Variants in SLC16A7 observed in about 807,000 individuals in gnomAD.
SLC16A7 encodes solute carrier family 16 member 7.
SLC16A7 carries 33 observed loss-of-function variants against 34.9 expected under a neutral mutation model. The ratio of observed to expected loss-of-function variants is 0.94; its 90% CI spans 0.72 to 1.26. The LOEUF (loss-of-function observed/expected upper bound fraction) is 1.26. SLC16A7 is among the 50% of genes most tolerant of loss of function. The pLI is 0.00. For missense variants in SLC16A7, 573 were observed against 578.1 expected (o/e 0.99, Z 0.09); for synonymous variants, 201 against 206.6 (o/e 0.97, Z 0.23).
intron 1 of SLC16A7, among the ~76,000 whole-genome samples, chr12:59,629,071 C>T (rs761637039): frequency 2.0e-5 from 3 of 151,686 alleles, no homozygotes; most frequent in Non-Finnish European, 4.4e-5. Flanking sequence ...TAGAGATGGC[C>T]ATCTTCTTGC....
rs556924656 is a variant in SLC16A7 at position 59,624,367 on chromosome 12, G to A, written c.-130+28131G>A. On this transcript the variant is annotated intron_variant, in intron 1 of 5. Transcript: ENST00000547379. ...CAATTCTTCATGTTCTCTAATTTAT[G>A]TCTTCTTTTTGATAATCTTGCTACT... 7.3e-4 allele frequency among the ~76,000 whole-genome samples: 111 copies of A among 151,526 alleles called. 1 individual carries two copies. The highest frequency in any genetic ancestry group is 2.4e-3 in the African/African-American group (99 of 41,380).
At chr12:59,636,160 T>C (rs555501529) in intron 1 of SLC16A7, among the ~76,000 whole-genome samples, 2 of 152,094 alleles carry the variant, frequency 1.3e-5, no homozygotes, top group Non-Finnish European at 2.9e-5. Flanking sequence ...CAAAACTGTG[T>C]AGGTTCTAAA....
intron 1 of SLC16A7, among the ~76,000 whole-genome samples, chr12:59,651,790 C>T (rs117288223): frequency 0.013 from 1,999 of 152,206 alleles, 31 homozygotes; most frequent in South Asian, 0.031. Context: ...TCTAAGTTCT[C>T]CATTTATAGC....
intron 3 of SLC16A7, among the ~76,000 whole-genome samples, chr12:59,743,999 T>G (rs1878613854): frequency 6.6e-6 from 1 of 152,182 alleles, no homozygotes; most frequent in Non-Finnish European, 1.5e-5. Flanking sequence ...TAAAACTCAC[T>G]GTTGAAAGTT....
At chr12:59,734,395 G>T (rs1170870335) in intron 3 of SLC16A7, among the ~76,000 whole-genome samples, 3 of 152,250 alleles carry the variant, frequency 2.0e-5, no homozygotes, top group Non-Finnish European at 4.4e-5. Context: ...GGCACCAGGA[G>T]TGGGGAAAGG....
intron 2 of SLC16A7, among the ~76,000 whole-genome samples, chr12:59,687,719 C>T (rs1475049580): frequency 6.6e-6 from 1 of 152,100 alleles, no homozygotes; most frequent in Non-Finnish European, 1.5e-5. Context: ...AACCGTCAAA[C>T]ATTTTCTTAT....
chr12:59,610,251 T>A (rs560309862), intron 1 of SLC16A7, among the ~76,000 whole-genome samples: 2 of 152,124 alleles, frequency 1.3e-5, no homozygotes, highest in African/African-American at 4.8e-5. Context: ...AATGTCAGAA[T>A]TACACCTGGA....
intron 2 of SLC16A7, among the ~76,000 whole-genome samples, chr12:59,686,144 A>G (rs1871151490): frequency 8.3e-6 from 1 of 120,598 alleles, no homozygotes; most frequent in East Asian, 2.3e-4. Context: ...TTCTGTCGCC[A>G]TAGTTTTTAG....
rs1288974118 is a variant in SLC16A7, at chr12:59,788,075, TCTC to T, written c.*8399_*8401del. 2.6e-5 allele frequency: 4 copies of T among 151,884 alleles called. No homozygotes were observed. The highest frequency in any genetic ancestry group is 9.7e-5 in the African/African-American group (4 of 41,150). 9.4% of individuals were successfully genotyped at this position (151,884 alleles called of 1,614,324 possible). On this transcript the variant is annotated 3_prime_UTR_variant, in exon 6 of 6. Transcript: ENST00000547379. ...TTAATTATTTCCTAGAATGAATAAT[TCTC>T]CTTTTTTGATAGATTTTTGAAATTG... is the stretch of plus-strand genomic sequence containing the variant.
intron 3 of SLC16A7, among the ~76,000 whole-genome samples, chr12:59,769,557 T>A (rs1007653701): frequency 1.3e-5 from 2 of 152,128 alleles, no homozygotes; most frequent in African/African-American, 4.8e-5. Flanking sequence ...AAATGCAAAC[T>A]TTTGTATTCT....
chr12:59,684,010 G>A (rs1041942325), intron 2 of SLC16A7, among the ~76,000 whole-genome samples: 2 of 152,154 alleles, frequency 1.3e-5, no homozygotes, highest in African/African-American at 4.8e-5. Flanking sequence ...TATTCAGTCA[G>A]AATTTATTAA....
intron 2 of SLC16A7, among the ~76,000 whole-genome samples, chr12:59,702,326 G>A (rs917713448): frequency 3.3e-5 from 5 of 151,960 alleles, no homozygotes; most frequent in African/African-American, 1.2e-4. Context: ...TGACCAAGGA[G>A]AAATAAACCT....
At position 59,786,646 on chromosome 12, in the gene SLC16A7, T is replaced by A. The variant is rs1883641933; in HGVS notation, c.*6967T>A. ...TCAGAAGATATGTTTAATGAATTCA[T>A]TTCATCCTCTCAACCCTCAGTTTTG... On this transcript the variant is annotated 3_prime_UTR_variant, in exon 6 of 6. Transcript: ENST00000547379. The A allele has an allele frequency of 6.6e-6, 1 of 152,188 alleles. No homozygotes were observed. Among genetic ancestry groups the A allele is most frequent in the African/African-American group, 2.4e-5 (1 of 41,464 alleles). The allele number at this position is 152,188 out of a possible 1,614,324, so 9.4% of individuals were successfully genotyped here. A position where few individuals can be genotyped will look rare whatever the true frequency, so the allele number is the denominator to read the frequency against.
chr12:59,686,518 A>G (rs1398725857), intron 2 of SLC16A7, among the ~76,000 whole-genome samples: 5 of 152,052 alleles, frequency 3.3e-5, no homozygotes, highest in Admixed American at 3.3e-4. Context: ...TCACTTGGTC[A>G]TTTTACATTT....
intron 3 of SLC16A7, among the ~76,000 whole-genome samples, chr12:59,739,086 C>A (rs1877971261): frequency 6.6e-6 from 1 of 150,546 alleles, no homozygotes; most frequent in Non-Finnish European, 1.5e-5. Flanking sequence ...TACATGTGCA[C>A]AATGTGCAGG....
At chr12:59,719,595 A>G (rs1180160222) in intron 3 of SLC16A7, 33 of 152,278 alleles carry the variant, frequency 2.2e-4, no homozygotes, top group Admixed American at 2.2e-3. Flanking sequence ...TATTAAATAT[A>G]TATTTTATAT....
intron 3 of SLC16A7, chr12:59,768,395 G>C (rs1881894172): frequency 3.5e-6 from 1 of 285,968 alleles, no homozygotes; most frequent in African/African-American, 2.2e-5. Context: ...GGTGTGACTA[G>C]ATTGCTGCAA....
intron 1 of SLC16A7, among the ~76,000 whole-genome samples, chr12:59,629,649 A>T (rs532032246): frequency 8.8e-4 from 134 of 152,128 alleles, no homozygotes; most frequent in African/African-American, 3.2e-3. Flanking sequence ...GGATGTGCCT[A>T]ATAGGAATTC....
chr12:59,784,177 T>A lies in SLC16A7; in HGVS notation c.*4498T>A, dbSNP rs1372125153. 1.3e-5 allele frequency: 2 copies of A among 152,136 alleles called. No individual in the cohort carries two copies. The highest frequency in any genetic ancestry group is 2.9e-5 in the Non-Finnish European group (2 of 68,022). 9.4% of individuals were successfully genotyped at this position (152,136 alleles called of 1,614,324 possible). Reference sequence around the variant, plus strand: ...AATGTTATCTTTTATGAATAAATAATTCCCAGATTGGTTGCTACATATCAT... The same window carrying A: ...AATGTTATCTTTTATGAATAAATAAATCCCAGATTGGTTGCTACATATCAT... On this transcript the variant is annotated 3_prime_UTR_variant, in exon 6 of 6. Transcript: ENST00000547379.
Sources: gnomAD v4.1 joint callset for allele counts (sites outside exome capture counted in the v4.1 genomes callset) on GRCh38, gnomAD v4.1.1 for gene constraint, MANE v1.5 for transcripts, NCBI Gene and HGNC (gene_info 2026-07-23, HGNC 2026-07-21) for gene names.